Variants in KIAA1217 observed in about 807,000 individuals in gnomAD.
KIAA1217 encodes KIAA1217, also known as sickle tail protein homolog.
In KIAA1217, 88 loss-of-function variants were observed where a neutral mutation model predicts 163.9. The observed-to-expected ratio is 0.54, with a 90% CI of 0.45 to 0.64. KIAA1217 has a LOEUF of 0.64. KIAA1217 is among the 30% of genes least tolerant of loss of function. The probability of loss-of-function intolerance (pLI) is 0.00; values close to 1 mark genes in which losing one functional copy is unlikely to be tolerated. For synonymous variants in KIAA1217, 903 were observed against 923.1 expected, an observed-to-expected ratio of 0.98 and a Z score of 0.39; for missense variants, 2,372 against 2,475.0, an observed-to-expected ratio of 0.96 and a Z score of 0.88.
At chr10:24,517,774 C>CA (rs760402385) in intron 10 of KIAA1217, among the ~76,000 whole-genome samples, 2 of 152,178 alleles carry the variant, frequency 1.3e-5, no homozygotes, top group Non-Finnish European at 2.9e-5. Context: ...GTGGGTAGAT[C>CA]ACTTGAGGTC....
chr10:24,140,373 A>G (rs922354302), intron 2 of KIAA1217, among the ~76,000 whole-genome samples: 3 of 152,016 alleles, frequency 2.0e-5, no homozygotes, highest in African/African-American at 7.2e-5. Context: ...AAAAAAAAAA[A>G]AAAGAAATCA....
Position 24,538,765 on chromosome 10 carries a change from C to T in KIAA1217, c.3534+1872C>T. Among the ~76,000 whole-genome samples the T allele has an allele frequency of 1.7e-5, 2 of 118,150 alleles. 1 individual carries two copies. The highest frequency in any genetic ancestry group is 3.3e-5 in the Non-Finnish European group (2 of 60,138). The allele number at this position is 118,150 out of a possible 152,430, so 77.5% of individuals were successfully genotyped here. ...TTTTTTTTTTTGTGAGACCGAGTCT[C>T]ACTCTGTCACCCAGGCTGGATTGCT... is the stretch of plus-strand genomic sequence containing the variant. On this transcript the variant is annotated intron_variant, in intron 17 of 20. Coordinates refer to ENST00000376454, the MANE Select transcript of KIAA1217 (RefSeq NM_019590.5).
chr10:23,938,142 C>T, intron 1 of KIAA1217, among the ~76,000 whole-genome samples: 1 of 152,080 alleles, frequency 6.6e-6, no homozygotes, highest in East Asian at 1.9e-4. Flanking sequence ...GAGAATGAAC[C>T]ACTCAAAAGG....
At position 23,695,698 on chromosome 10, in the gene KIAA1217, C is replaced by G. The variant is rs1243935393; in HGVS notation, c.-321+464C>G. On this transcript the variant is annotated intron_variant, in intron 1 of 18. Coordinates refer to the KIAA1217 transcript ENST00000376462. The surrounding 1 kb of genome is among the most constrained non-coding windows in gnomAD (Gnocchi z 4.9). ...AGACAGGGGCAAGGAGAGAGAGAAC[C>G]GGCCCCGAGACGGGCTGGAGGGTGG... Among the ~76,000 whole-genome samples the G allele has an allele frequency of 2.0e-5, 3 of 152,114 alleles. No individual in the cohort carries two copies. The highest frequency in any genetic ancestry group is 7.2e-5 in the African/African-American group (3 of 41,444).
At chr10:24,298,871 A>T (rs959076635) in intron 2 of KIAA1217, among the ~76,000 whole-genome samples, 1 of 152,152 alleles carries the variant, frequency 6.6e-6, no homozygotes, top group Non-Finnish European at 1.5e-5. Flanking sequence ...GCTGAGAGAC[A>T]ATCTTGGAGG....
intron 1 of KIAA1217, among the ~76,000 whole-genome samples, chr10:23,921,960 C>T (rs1186048059): frequency 1.3e-5 from 2 of 152,012 alleles, no homozygotes; most frequent in African/African-American, 4.8e-5. Flanking sequence ...TGATTGGTGG[C>T]TGGGGCTCCT....
chr10:24,274,120 A>C (rs2077037755), intron 2 of KIAA1217, among the ~76,000 whole-genome samples: 1 of 152,234 alleles, frequency 6.6e-6, no homozygotes, highest in South Asian at 2.1e-4. Context: ...ATAAACTGAA[A>C]AGTGACTGAT....
At chr10:24,207,623 A>C (rs1048427797), upstream of KIAA1217, among the ~76,000 whole-genome samples, 10 of 152,224 alleles carry the variant, frequency 6.6e-5, no homozygotes, top group Admixed American at 3.3e-4. Flanking sequence ...CACTGCCTCT[A>C]TTCAGGCTGC....
intron 2 of KIAA1217, among the ~76,000 whole-genome samples, chr10:24,098,358 A>T (rs1215437045): frequency 2.0e-5 from 3 of 152,158 alleles, no homozygotes; most frequent in Non-Finnish European, 4.4e-5. Context: ...TACAAAGTAT[A>T]GAGAAAGCAG....
Position 23,828,587 on chromosome 10 carries a change from G to A in KIAA1217, c.-321+133353G>A, listed in dbSNP as rs140018406. Among the ~76,000 whole-genome samples, 784 of 152,290 alleles carry A rather than the reference G, an allele frequency of 5.1e-3. 4 individuals are homozygous for A. The highest frequency in any genetic ancestry group is 0.018 in the African/African-American group (758 of 41,566). The stretch of plus-strand genomic sequence containing the variant: ...TAAAAGAGGAAGCTGTGTTCCAAAA[G>A]CTAAATGTTTTTGATTAACAATAGT... On this transcript the variant is annotated intron_variant, in intron 1 of 18. Coordinates refer to the KIAA1217 transcript ENST00000376462.
At chr10:24,507,753 C>G (rs1442391918) in intron 9 of KIAA1217, among the ~76,000 whole-genome samples, 3 of 152,120 alleles carry the variant, frequency 2.0e-5, no homozygotes, top group Admixed American at 6.5e-5. Context: ...ACCAAAAAAG[C>G]TCAGTGAACC....
At chr10:24,076,345 C>T (rs922938325) in intron 2 of KIAA1217, among the ~76,000 whole-genome samples, 1 of 152,294 alleles carries the variant, frequency 6.6e-6, no homozygotes, top group Admixed American at 6.5e-5. Context: ...CATAGCCTGG[C>T]AGTGTGGCTT....
chr10:24,456,866 C>A (rs183964213), intron 5 of KIAA1217, among the ~76,000 whole-genome samples: 4 of 152,108 alleles, frequency 2.6e-5, no homozygotes, highest in Admixed American at 1.3e-4. Context: ...CCAAACCCGG[C>A]TAATTTTTGT....
chr10:23,922,755 A>T (rs1455236073), intron 1 of KIAA1217, among the ~76,000 whole-genome samples: 2 of 152,138 alleles, frequency 1.3e-5, no homozygotes, highest in African/African-American at 4.8e-5. Context: ...GATCTTGAAG[A>T]TTATAAGGGG....
At chr10:24,101,647 C>T (rs567779863) in intron 2 of KIAA1217, among the ~76,000 whole-genome samples, 3 of 152,260 alleles carry the variant, frequency 2.0e-5, no homozygotes, top group African/African-American at 4.8e-5. Flanking sequence ...TTTCGATATA[C>T]TGATGCAAAT....
chr10:24,395,306 C>G (rs534381424), intron 3 of KIAA1217, among the ~76,000 whole-genome samples: 7 of 152,334 alleles, frequency 4.6e-5, no homozygotes, highest in Non-Finnish European at 7.3e-5. Flanking sequence ...GACTCAACAT[C>G]TGACCTCCGC....
intron 2 of KIAA1217, among the ~76,000 whole-genome samples, chr10:24,172,972 GCAGGGGTCCCCAACCCC>G (rs1419553942): frequency 7.9e-5 from 12 of 152,216 alleles, no homozygotes; most frequent in Admixed American, 3.3e-4. Context: ...AGTACCCTAA[GCAGGGGTCCCCAACCCC>G]CAGGCCATGG....
At chr10:23,815,817 A>G (rs558108146) in intron 1 of KIAA1217, among the ~76,000 whole-genome samples, 2 of 152,190 alleles carry the variant, frequency 1.3e-5, no homozygotes, top group Non-Finnish European at 2.9e-5. Flanking sequence ...AAAAATCTGA[A>G]ATAAGAAATT....
chr10:23,852,905 C>G (rs558970140), intron 1 of KIAA1217, among the ~76,000 whole-genome samples: 8 of 152,232 alleles, frequency 5.3e-5, no homozygotes, highest in African/African-American at 1.2e-4. Context: ...AGCAGAAGGA[C>G]ATTTTGGGCT....
Sources: allele counts gnomAD v4.1 joint callset (sites outside exome capture counted in the v4.1 genomes callset), GRCh38; gene constraint gnomAD v4.1.1; non-coding constraint Gnocchi (gnomAD v3.1); transcripts MANE v1.5; gene names NCBI Gene and HGNC (gene_info 2026-07-23, HGNC 2026-07-21).